GNPAT: variants seen among roughly 807,000 people sequenced by gnomAD.
The protein encoded by GNPAT is glyceronephosphate O-acyltransferase.
A neutral mutation model predicts 78.4 loss-of-function variants in GNPAT; 30 were observed. The ratio of observed to expected loss-of-function variants is 0.38; its 90% CI spans 0.29 to 0.52. The LOEUF (loss-of-function observed/expected upper bound fraction) is 0.52, where lower values mean the gene tolerates loss of function less well. GNPAT is among the 20% of genes least tolerant of loss of function. The pLI, the probability that GNPAT is intolerant of heterozygous loss-of-function variation, is 0.84. For missense variants in GNPAT, 714 were observed against 812.2 expected, an observed-to-expected ratio of 0.88 and a Z score of 1.47; for synonymous variants, 271 against 281.1, an observed-to-expected ratio of 0.96 and a Z score of 0.36.
rs11122259 is a variant in GNPAT at position 231,251,555 on chromosome 1, C to A, written c.261+412C>A. On this transcript the variant is annotated intron_variant, in intron 2 of 15. Transcript: ENST00000366647. ...TTCAAGCCAAACAAATAACTTATTC[C>A]TGTGGTTTTCAAACCTCCACATTAG... Among the ~76,000 whole-genome samples the A allele has an allele frequency of 7.9e-3, 1,206 of 152,144 alleles. 23 individuals carry two copies. Among genetic ancestry groups the A allele is most frequent in the African/African-American group, 0.027 (1,139 of 41,484 alleles).
At chr1:231,272,227 C>G in intron 10 of GNPAT, 85 bp from the exon 11 acceptor site, 1 of 758,584 alleles carries the variant, frequency 1.3e-6, no homozygotes, top group Non-Finnish European at 2.4e-6. Context: ...CTTTGAAATA[C>G]ATTTTGTGAT....
chr1:231,277,188 G>A (rs772911797), intron 15 of GNPAT, among the ~76,000 whole-genome samples: 1 of 152,228 alleles, frequency 6.6e-6, no homozygotes, highest in Non-Finnish European at 1.5e-5. Flanking sequence ...CCCTGTGAGG[G>A]TGACGGAATC....
At chr1:231,275,683 G>A (rs56689584) in intron 14 of GNPAT, among the ~76,000 whole-genome samples, 185 bp downstream of exon 14, 1 of 152,180 alleles carries the variant, frequency 6.6e-6, no homozygotes, top group Non-Finnish European at 1.5e-5. Flanking sequence ...GTTATGAATA[G>A]AAATGCAACT....
chr1:231,243,411 T>C (rs1336177189), intron 1 of GNPAT, among the ~76,000 whole-genome samples: 6 of 151,950 alleles, frequency 3.9e-5, no homozygotes, highest in African/African-American at 1.5e-4. Flanking sequence ...GCAACCTCCA[T>C]CTCCGGGGCT....
rs1323956395 is a variant in GNPAT at position 231,265,350 on chromosome 1, T to C, written c.626T>C (p.Met209Thr). 1 of 1,611,074 alleles carries C rather than the reference T, an allele frequency of 6.2e-7. No homozygotes were observed. Among genetic ancestry groups the C allele is most frequent in the East Asian group, 2.2e-5 (1 of 44,872 alleles). Residue 209 changes from methionine to threonine, a missense_variant, in exon 5 of 16, where the codon ATG (methionine) becomes ACG (threonine). Transcript: ENST00000366647. Reference sequence around the variant, plus strand: ...CTACGAATGTCGGGTGCCTTTTTCATGCGGCGTACCTTTGGTGGCAATAAA... The same window carrying C: ...CTACGAATGTCGGGTGCCTTTTTCACGCGGCGTACCTTTGGTGGCAATAAA... Reference protein sequence around the residue: ...ELLRMSGAFFMRRTFGGNKLY... With the variant: ...ELLRMSGAFFTRRTFGGNKLY...
intron 1 of GNPAT, among the ~76,000 whole-genome samples, chr1:231,243,310 T>TTTTTTGTTTTTG (rs200975445): frequency 6.6e-6 from 1 of 152,126 alleles, no homozygotes; most frequent in Non-Finnish European, 1.5e-5. Context: ...CTGATCTTCC[T>TTTTTTGTTTTTG]TTTTTGTTTT....
At chr1:231,243,994 CA>C (rs907934304) in intron 1 of GNPAT, among the ~76,000 whole-genome samples, 1 of 151,976 alleles carries the variant, frequency 6.6e-6, no homozygotes, top group African/African-American at 2.4e-5. Context: ...CTGCAACCTC[CA>C]CCTCCAGGGT....
At chr1:231,241,748 A>T (rs1444737066) in intron 1 of GNPAT, among the ~76,000 whole-genome samples, 3 of 152,186 alleles carry the variant, frequency 2.0e-5, no homozygotes, top group Non-Finnish European at 4.4e-5. Flanking sequence ...CCTGGACACG[A>T]GAATGAGGAA....
chr1:231,270,798 T>C lies in GNPAT; in HGVS notation c.1320T>C (p.Leu440=). The stretch of plus-strand genomic sequence containing the variant: ...AAGAAGTTGTCCCGGCCAGCATTCT[T>C]CTGCATTCCAACATTGCCAGCCTTG... ...PAEEVVPASI[L]LHSNIASLVK... is the part of the protein sequence containing the mutation. Residue 440 remains leucine (L), a synonymous_variant, in exon 10 of 16, where the codon CTT becomes CTC. Transcript: ENST00000366647. 2.5e-6 allele frequency: 4 copies of C among 1,614,124 alleles called. No homozygotes were observed. Among genetic ancestry groups the C allele is most frequent in the African/African-American group, 1.3e-5 (1 of 75,066 alleles).
At chr1:231,246,783 A>G (rs1684761145) in intron 1 of GNPAT, among the ~76,000 whole-genome samples, 1 of 152,254 alleles carries the variant, frequency 6.6e-6, no homozygotes, top group Non-Finnish European at 1.5e-5. Flanking sequence ...CTCACAGACC[A>G]AATTAATCAG....
intron 1 of GNPAT, among the ~76,000 whole-genome samples, chr1:231,245,224 G>A (rs951949353): frequency 2.6e-5 from 4 of 151,812 alleles, no homozygotes; most frequent in South Asian, 2.1e-4. Context: ...TTCTTTTTTT[G>A]TTGTTGTTAA....
chr1:231,253,685 CAGTT>C (rs1429639262), intron 2 of GNPAT, among the ~76,000 whole-genome samples: 3 of 152,306 alleles, frequency 2.0e-5, no homozygotes, highest in South Asian at 4.1e-4. Context: ...CTAACAACAG[CAGTT>C]AGTTCTTCCT....
chr1:231,254,335 T>C (rs1477798391), intron 2 of GNPAT, among the ~76,000 whole-genome samples: 1 of 152,236 alleles, frequency 6.6e-6, no homozygotes. Context: ...TGAACTGTTT[T>C]TCATTCTCCA....
chr1:231,266,024 T>C lies in GNPAT; in HGVS notation c.783T>C (p.Asn261=), dbSNP rs1386322250. The change falls in exon 7 of 16, where the codon AAT becomes AAC. Residue 261 remains asparagine (N), a synonymous_variant. Transcript: ENST00000366647. The part of the protein sequence containing the change: ...KTLTPKFGLL[N]IVMEPFFKRE... ...CCCTGTGTTTTGCAGGTCTTCTGAA[T>C]ATTGTGATGGAGCCATTTTTTAAAA... The C allele has an allele frequency of 6.2e-7, 1 of 1,612,532 alleles. No homozygotes were observed.
chr1:231,241,237 C>G lies in GNPAT; in HGVS notation c.-142C>G. 6.8e-7 allele frequency: 1 copy of G among 1,479,816 alleles called. No individual in the cohort carries two copies. Among genetic ancestry groups the G allele is most frequent in the Non-Finnish European group, 9.4e-7 (1 of 1,061,124 alleles). The allele number at this position is 1,479,816 out of a possible 1,614,324, so 91.7% of individuals were successfully genotyped here. On this transcript the variant is annotated 5_prime_UTR_variant, in exon 1 of 16. Transcript: ENST00000366647. ...CCGTCCTGGCTGAGATGGCGGCGCC[C>G]GGGATCCTGTGTAGCGGCTGCAGAG...
At chr1:231,274,130 T>G in intron 12 of GNPAT, 68 bp downstream of exon 12, 1 of 1,383,932 alleles carries the variant, frequency 7.2e-7, no homozygotes, top group Non-Finnish European at 1.0e-6. Flanking sequence ...TCTCACCCTG[T>G]GCTTATTTCC....
rs371142386 is a variant in GNPAT at position 231,266,039 on chromosome 1, A to G, written c.798A>G (p.Pro266=). The stretch of plus-strand genomic sequence containing the variant: ...GTCTTCTGAATATTGTGATGGAGCC[A>G]TTTTTTAAAAGAGAAGTTTTTGATA... ...KFGLLNIVME[P]FFKREVFDTY... is the part of the protein sequence containing the mutation. The change falls in exon 7 of 16, where the codon CCA becomes CCG. Residue 266 remains proline, a synonymous_variant. Coordinates refer to ENST00000366647, the MANE Select transcript of GNPAT (RefSeq NM_014236.4). 74 of 1,612,776 alleles carry G rather than the reference A, an allele frequency of 4.6e-5. No individual in the cohort carries two copies. The highest frequency in any genetic ancestry group is 5.8e-5 in the Non-Finnish European group (68 of 1,179,314).
In GNPAT at chr1:231,251,269, T is replaced by C. The variant is rs12049421; in HGVS notation, c.261+126T>C. The C allele has an allele frequency of 1.6e-5, 10 of 634,666 alleles. No individual in the cohort carries two copies. The East Asian group carries it at 1.8e-4, about 12-fold the overall frequency. The allele number at this position is 634,666 out of a possible 1,614,324, so 39.3% of individuals were successfully genotyped here. ...AGCTGTATTCATCACATTTATCAAA[T>C]AATTACTGTATCCGTGTGTGTTAGC... On this transcript the variant is annotated intron_variant, in intron 2 of 15. Coordinates refer to ENST00000366647, the MANE Select transcript of GNPAT (RefSeq NM_014236.4).
At chr1:231,246,441 C>T (rs563564657) in intron 1 of GNPAT, among the ~76,000 whole-genome samples, 5 of 152,338 alleles carry the variant, frequency 3.3e-5, no homozygotes, top group African/African-American at 1.2e-4. Context: ...GCCTGGTACA[C>T]TGTGAGCTCT....
Sources: gnomAD v4.1 joint callset for allele counts (sites outside exome capture counted in the v4.1 genomes callset) on GRCh38, gnomAD v4.1.1 for gene constraint, MANE v1.5 for transcripts, NCBI Gene and HGNC (gene_info 2026-07-23, HGNC 2026-07-21) for gene names.